The following SNTB1 variants were observed in gnomAD, a reference collection of about 807,000 sequenced individuals.
SNTB1 encodes the protein beta-1-syntrophin.
In SNTB1, 36 loss-of-function variants were observed where a neutral mutation model predicts 48.9. The observed-to-expected ratio is 0.74, with a 90% CI of 0.56 to 0.97. SNTB1 has a LOEUF of 0.97. Ranked by LOEUF, SNTB1 falls within the 50% of genes least tolerant of loss-of-function variation. The pLI, the probability that SNTB1 is intolerant of heterozygous loss-of-function variation, is 0.00. For synonymous variants in SNTB1, 299 were observed against 294.6 expected (o/e 1.01, Z -0.15); for missense variants, 786 against 703.4 (o/e 1.12, Z -1.33).
intron 3 of SNTB1, among the ~76,000 whole-genome samples, chr8:120,578,484 A>G (rs1815986239): frequency 6.6e-6 from 1 of 152,184 alleles, no homozygotes; most frequent in South Asian, 2.1e-4. Context: ...ATGTGTCTGC[A>G]TTTTGTTAAC....
chr8:120,694,886 AC>A lies in SNTB1; in HGVS notation c.572-979del, dbSNP rs1195714483. ...TCATGTTTAACCATATGTGTGTATT[AC>A]TTTTATAAATCTTAAGAAAACAAAA... On this transcript the variant is annotated intron_variant, in intron 1 of 6. Transcript: ENST00000517992. Among the ~76,000 whole-genome samples the A allele has an allele frequency of 2.0e-5, 3 of 152,272 alleles. No individual in the cohort carries two copies. The East Asian group carries it at 5.8e-4, about 29-fold the overall frequency.
At position 120,551,725 on chromosome 8, in the gene SNTB1, C is replaced by CAAA. The variant is rs764008790; in HGVS notation, c.1137-2770_1137-2768dup. On this transcript the variant is annotated intron_variant, in intron 4 of 6. Transcript: ENST00000517992. ...TGAGCGACAGAGTGAGACTCCATCT[C>CAAA]AAAAAAAAAAAAAAAAAAAAAAAAG... Among the ~76,000 whole-genome samples the CAAA allele has an allele frequency of 3.4e-3, 145 of 42,784 alleles. 4 individuals carry two copies. Among genetic ancestry groups the CAAA allele is most frequent in the African/African-American group, 7.9e-3 (84 of 10,580 alleles). The allele number at this position is 42,784 out of a possible 152,430, so 28.1% of individuals were successfully genotyped here.
intron 2 of SNTB1, among the ~76,000 whole-genome samples, chr8:120,635,320 A>G (rs1236049277): frequency 6.6e-6 from 1 of 152,198 alleles, no homozygotes; most frequent in African/African-American, 2.4e-5. Flanking sequence ...CATTAATGAG[A>G]GCTCAACGTG....
intron 3 of SNTB1, among the ~76,000 whole-genome samples, chr8:120,581,312 G>A (rs1435386654): frequency 6.6e-6 from 1 of 152,054 alleles, no homozygotes; most frequent in Non-Finnish European, 1.5e-5. Context: ...GGTGTCAAGA[G>A]GGGAGCAGAG....
At chr8:120,793,107 T>G (rs962755785) in intron 1 of SNTB1, among the ~76,000 whole-genome samples, 2 of 151,884 alleles carry the variant, frequency 1.3e-5, no homozygotes, top group African/African-American at 4.8e-5. Context: ...ATCATGAGCT[T>G]GGAGATGCAA....
chr8:120,646,817 C>T (rs538833088), intron 2 of SNTB1, among the ~76,000 whole-genome samples: 1 of 152,142 alleles, frequency 6.6e-6, no homozygotes, highest in Non-Finnish European at 1.5e-5. Flanking sequence ...GGTTGGTAAG[C>T]TATTGATTAT....
intron 3 of SNTB1, among the ~76,000 whole-genome samples, chr8:120,615,553 C>T (rs1239540195): frequency 6.6e-6 from 1 of 152,170 alleles, no homozygotes; most frequent in Non-Finnish European, 1.5e-5. Context: ...TTTCTGCTTA[C>T]ATGAAGAATT....
intron 1 of SNTB1, among the ~76,000 whole-genome samples, chr8:120,779,176 C>T (rs1195534636): frequency 7.2e-5 from 11 of 152,166 alleles, no homozygotes; most frequent in Admixed American, 6.5e-4. Context: ...ATGACATGAT[C>T]ACCACCTCTA....
chr8:120,718,329 G>T (rs1385051507), intron 1 of SNTB1, among the ~76,000 whole-genome samples: 2 of 152,210 alleles, frequency 1.3e-5, no homozygotes, highest in African/African-American at 4.8e-5. Flanking sequence ...GGCAAGGATA[G>T]AGCTTGCGAG....
chr8:120,659,215 C>T lies in SNTB1; in HGVS notation c.789-26564G>A, dbSNP rs1047207677. Among the ~76,000 whole-genome samples the T allele has an allele frequency of 4.6e-5, 7 of 152,242 alleles. No homozygotes were observed. In the East Asian group the frequency reaches 5.8e-4, roughly 13 times the overall value. ...CTGAACTCAAGCAATCCACCTGCTTCGGCCTCCCAAAGTGTTGAGATTACA... is the reference window on the plus strand; with the variant it reads ...CTGAACTCAAGCAATCCACCTGCTTTGGCCTCCCAAAGTGTTGAGATTACA... On this transcript the variant is annotated intron_variant, in intron 2 of 6. Transcript: ENST00000517992.
intron 3 of SNTB1, among the ~76,000 whole-genome samples, chr8:120,602,224 C>G (rs1816431687): frequency 6.6e-6 from 1 of 152,204 alleles, no homozygotes; most frequent in African/African-American, 2.4e-5. Context: ...AGTTCACACA[C>G]AGGTGAGTGT....
At chr8:120,681,867 G>T (rs1247306029) in intron 2 of SNTB1, among the ~76,000 whole-genome samples, 1 of 149,970 alleles carries the variant, frequency 6.7e-6, no homozygotes, top group Admixed American at 6.8e-5. Flanking sequence ...AAAACCTCCA[G>T]TAAAGAAGAT....
chr8:120,737,897 T>C (rs1188323028), intron 1 of SNTB1, among the ~76,000 whole-genome samples: 1 of 152,162 alleles, frequency 6.6e-6, no homozygotes, highest in African/African-American at 2.4e-5. Flanking sequence ...AGAGTTAGTG[T>C]GTTATTTTCC....
intron 3 of SNTB1, among the ~76,000 whole-genome samples, chr8:120,579,292 T>A (rs1816005029): frequency 6.6e-6 from 1 of 152,232 alleles, no homozygotes; most frequent in Admixed American, 6.5e-5. Flanking sequence ...TGAGACTTTA[T>A]GTCTTCATCC....
intron 4 of SNTB1, chr8:120,571,507 T>C (rs1815850205): frequency 7.9e-6 from 2 of 254,492 alleles, no homozygotes; most frequent in South Asian, 5.3e-5. Flanking sequence ...TTTTTTTTTT[T>C]TTTTTTTTGA....
At position 120,715,506 on chromosome 8, in the gene SNTB1, AAAAC is replaced by A. The variant is rs1463085369; in HGVS notation, c.572-21602_572-21599del. Among the ~76,000 whole-genome samples, 3 of 152,242 alleles carry A rather than the reference AAAAC, an allele frequency of 2.0e-5. 1 individual carries two copies. Among genetic ancestry groups the A allele is most frequent in the Admixed American group, 2.0e-4 (3 of 15,284 alleles). Reference sequence around the variant, plus strand: ...GGAGCATAAATGGTTAAAAACAAAAAAAACAAACTTGGGTTTCATAATTTAAAGG... The same window carrying A: ...GGAGCATAAATGGTTAAAAACAAAAAAAACTTGGGTTTCATAATTTAAAGG... On this transcript the variant is annotated intron_variant, in intron 1 of 6. Coordinates refer to ENST00000517992, the MANE Select transcript of SNTB1 (RefSeq NM_021021.4).
At chr8:120,554,997 T>TC (rs372005427) in intron 4 of SNTB1, among the ~76,000 whole-genome samples, 13 of 152,338 alleles carry the variant, frequency 8.5e-5, no homozygotes, top group African/African-American at 3.1e-4. Flanking sequence ...AATCAATCAA[T>TC]AAAGATTTCT....
intron 3 of SNTB1, among the ~76,000 whole-genome samples, chr8:120,584,453 A>AAAAG (rs1238972104): frequency 6.6e-6 from 1 of 150,746 alleles, no homozygotes; most frequent in Non-Finnish European, 1.5e-5. Flanking sequence ...AAAAAAAAAA[A>AAAAG]AAAAAAAAGT....
chr8:120,694,946 C>T (rs182959704), intron 1 of SNTB1, among the ~76,000 whole-genome samples: 20 of 152,064 alleles, frequency 1.3e-4, no homozygotes, highest in African/African-American at 4.6e-4. Context: ...CTTAAGAGCC[C>T]AGTGAAGCAG....
Sources: allele counts gnomAD v4.1 joint callset (sites outside exome capture counted in the v4.1 genomes callset), GRCh38; gene constraint gnomAD v4.1.1; transcripts MANE v1.5; gene names NCBI Gene and HGNC (gene_info 2026-07-23, HGNC 2026-07-21).